The following SGSM1 variants were observed in gnomAD, a reference collection of about 807,000 sequenced individuals.
SGSM1 encodes RUN and TBC1 domain containing 2.
SGSM1 carries 73 observed loss-of-function variants against 133.8 expected under a neutral mutation model. The ratio of observed to expected loss-of-function variants is 0.55; its 90% CI spans 0.45 to 0.66. The LOEUF is 0.66. Ranked by LOEUF, SGSM1 falls within the 30% of genes least tolerant of loss-of-function variation. SGSM1 has a pLI of 0.00. For missense variants in SGSM1, 1,213 were observed against 1,448.1 expected (o/e 0.84, Z 2.64); for synonymous variants, 563 against 573.0 (o/e 0.98, Z 0.25).
Position 24,891,303 on chromosome 22 carries a change from C to T in SGSM1, c.1771-2128C>T, listed in dbSNP as rs548682525. ...TGAGCCCAAGAGTTGGAGGCTGCAGCGAGCTATGATTGTGCCACTGCATTT... is the reference window on the plus strand; with the variant it reads ...TGAGCCCAAGAGTTGGAGGCTGCAGTGAGCTATGATTGTGCCACTGCATTT... On this transcript the variant is annotated intron_variant, in intron 16 of 24. Transcript: ENST00000400358. Among the ~76,000 whole-genome samples the T allele has an allele frequency of 1.7e-4, 26 of 152,170 alleles. No homozygotes were observed. In the South Asian group the frequency reaches 3.7e-3, roughly 22 times the overall value.
chr22:24,863,478 A>T (rs1248960233), intron 9 of SGSM1, among the ~76,000 whole-genome samples: 1 of 152,046 alleles, frequency 6.6e-6, no homozygotes, highest in Non-Finnish European at 1.5e-5. Flanking sequence ...TTTGATACTG[A>T]GTTCGGTTGA....
At chr22:24,859,458 C>A (rs965227916) in intron 8 of SGSM1, among the ~76,000 whole-genome samples, 1 of 152,110 alleles carries the variant, frequency 6.6e-6, no homozygotes, top group Non-Finnish European at 1.5e-5. Context: ...AGGAGGAAGT[C>A]AGAGTGTGAA....
At chr22:24,920,924 ATCTATT>A (rs1933983737) in intron 24 of SGSM1, among the ~76,000 whole-genome samples, 2 of 152,208 alleles carry the variant, frequency 1.3e-5, no homozygotes, top group African/African-American at 4.8e-5. Flanking sequence ...GCACGTTACC[ATCTATT>A]AAACTACAGG....
intron 2 of SGSM1, among the ~76,000 whole-genome samples, chr22:24,812,029 G>A (rs1275629062): frequency 1.3e-5 from 2 of 151,934 alleles, no homozygotes; most frequent in South Asian, 2.1e-4. Context: ...AATTAGCCGG[G>A]TGTGGTAGCA....
At position 24,901,970 on chromosome 22, in the gene SGSM1, A is replaced by G; in HGVS notation, c.2735+13A>G. On this transcript the variant is annotated intron_variant, in intron 20 of 24. Transcript: ENST00000400358. ...ACATCATGTGCAGGTGGCTGGGGAC[A>G]GCGAGGGGATCTAGGGGATGGGGAT... 2 of 985,958 alleles carry G rather than the reference A, an allele frequency of 2.0e-6. No homozygotes were observed. Among genetic ancestry groups the G allele is most frequent in the Non-Finnish European group, 2.6e-6 (2 of 765,584 alleles). 61.1% of individuals were successfully genotyped at this position (985,958 alleles called of 1,614,324 possible).
chr22:24,906,481 G>C (rs867023354), intron 21 of SGSM1, among the ~76,000 whole-genome samples: 7 of 152,338 alleles, frequency 4.6e-5, no homozygotes, highest in Middle Eastern at 3.4e-3. Flanking sequence ...TTTGCGTATA[G>C]AAGATCTTAA....
At chr22:24,920,284 C>T (rs975285613) in intron 24 of SGSM1, among the ~76,000 whole-genome samples, 1 of 152,208 alleles carries the variant, frequency 6.6e-6, no homozygotes, top group Non-Finnish European at 1.5e-5. Flanking sequence ...CACTTCCCCT[C>T]TCTCTAAACA....
chr22:24,854,007 C>T (rs1453759876), intron 5 of SGSM1, among the ~76,000 whole-genome samples: 1 of 151,370 alleles, frequency 6.6e-6, no homozygotes, highest in Non-Finnish European at 1.5e-5. Context: ...TCTCGTGAGA[C>T]TTAGTCACTA....
chr22:24,817,070 G>A (rs775929268), intron 2 of SGSM1, among the ~76,000 whole-genome samples: 6 of 152,206 alleles, frequency 3.9e-5, no homozygotes, highest in East Asian at 1.9e-4. Flanking sequence ...GGAGAGTTAC[G>A]GTGAAATCAC....
intron 22 of SGSM1, among the ~76,000 whole-genome samples, chr22:24,913,033 C>G (rs949370191): frequency 3.3e-5 from 5 of 152,024 alleles, no homozygotes; most frequent in Non-Finnish European, 7.4e-5. Context: ...ATGTCAGTGC[C>G]TCTCAGAGCA....
chr22:24,842,021 A>G (rs542680506), intron 2 of SGSM1, among the ~76,000 whole-genome samples: 41 of 152,206 alleles, frequency 2.7e-4, no homozygotes, highest in African/African-American at 8.4e-4. Context: ...CCCACCCCCA[A>G]TGTCTCCCTG....
At chr22:24,886,771 G>T in intron 16 of SGSM1, 43 bp downstream of exon 16, 1 of 1,552,424 alleles carries the variant, frequency 6.4e-7, no homozygotes, top group East Asian at 2.4e-5. Context: ...GGCAACAAAA[G>T]GAGCCAGATA....
At position 24,847,739 on chromosome 22, in the gene SGSM1, C is replaced by T. The variant is rs373062184; in HGVS notation, c.245C>T (p.Pro82Leu). The change falls in exon 4 of 25, where the codon CCG (proline) becomes CTG (leucine). Residue 82 changes from proline (P) to leucine (L), a missense_variant. Coordinates refer to ENST00000400358, the MANE Select transcript of SGSM1 (RefSeq NM_001098497.3). ...ALFMKVGKNF[P>L]PAEDLSRKVQ... is the part of the protein sequence containing the mutation. The stretch of plus-strand genomic sequence containing the variant: ...TTTATGAAAGTGGGCAAGAACTTCC[C>T]GCCGGCTGAGGATCTGAGCCGCAAG... The T allele has an allele frequency of 2.4e-5, 39 of 1,613,876 alleles. No homozygotes were observed. The African/African-American group carries it at 3.1e-4, about 13-fold the overall frequency.
intron 2 of SGSM1, chr22:24,843,371 G>C (rs1038360590): frequency 3.9e-5 from 6 of 153,230 alleles, no homozygotes; most frequent in African/African-American, 1.4e-4. Flanking sequence ...TCTCCAGGAG[G>C]TAACCAGAAG....
At chr22:24,885,542 G>A (rs903564693) in intron 15 of SGSM1, among the ~76,000 whole-genome samples, 10 of 150,336 alleles carry the variant, frequency 6.7e-5, no homozygotes, top group Non-Finnish European at 1.3e-4. Flanking sequence ...GGGTTCAAGC[G>A]ATTCTTCTGC....
chr22:24,853,449 C>T (rs960520963), intron 5 of SGSM1, among the ~76,000 whole-genome samples: 1 of 152,200 alleles, frequency 6.6e-6, no homozygotes, highest in Non-Finnish European at 1.5e-5. Context: ...ACAAACAAAT[C>T]CAAAAACATT....
In SGSM1 at chr22:24,857,536, AGTTTT is replaced by A. The variant is rs1009568392; in HGVS notation, c.801+1867_801+1871del. ...AGGTCTTTGAAACTTACGTGGATGTAGTTTTGTTTTGTTTTTTAATCTATATCACT... is the reference window on the plus strand; with the variant it reads ...AGGTCTTTGAAACTTACGTGGATGTAGTTTTGTTTTTTAATCTATATCACT... On this transcript the variant is annotated intron_variant, in intron 8 of 24. Coordinates refer to ENST00000400358, the MANE Select transcript of SGSM1 (RefSeq NM_001098497.3). Among the ~76,000 whole-genome samples the A allele has an allele frequency of 5.9e-5, 9 of 152,010 alleles. No homozygotes were observed. In the South Asian group the frequency reaches 1.0e-3, roughly 18 times the overall value.
At chr22:24,806,855 A>AAGAGAGAGAAG (rs1927426881) in intron 2 of SGSM1, among the ~76,000 whole-genome samples, 4 of 152,000 alleles carry the variant, frequency 2.6e-5, no homozygotes, top group African/African-American at 9.7e-5. Flanking sequence ...GACGCCCCCC[A>AAGAGAGAGAAG]CAGGGTGTGC....
rs570281074 is a variant in SGSM1, at chr22:24,866,242, C to A, written c.927-851C>A. Among the ~76,000 whole-genome samples the A allele has an allele frequency of 5.3e-5, 8 of 152,294 alleles. No homozygotes were observed. In the East Asian group the frequency reaches 1.5e-3, roughly 29 times the overall value. ...CTTAATGTATCAGCTCTGTGTTGAG[C>A]CCTTCAAATACTTGATTCTATTTAA... On this transcript the variant is annotated intron_variant, in intron 9 of 24. Coordinates refer to ENST00000400358, the MANE Select transcript of SGSM1 (RefSeq NM_001098497.3).
Sources: allele counts gnomAD v4.1 joint callset (sites outside exome capture counted in the v4.1 genomes callset), GRCh38; gene constraint gnomAD v4.1.1; transcripts MANE v1.5; gene names NCBI Gene and HGNC (gene_info 2026-07-23, HGNC 2026-07-21).